Variants in PIK3C3 observed in about 807,000 individuals in gnomAD.
PIK3C3 encodes phosphatidylinositol 3-kinase catalytic subunit type 3.
Under a neutral mutation model 126.1 loss-of-function variants are expected in PIK3C3, and 95 were observed. That is an observed-to-expected ratio of 0.75 (90% CI 0.64 to 0.89). The LOEUF is 0.89. PIK3C3 is among the 40% of genes least tolerant of loss of function. The probability of loss-of-function intolerance (pLI) is 0.00; values close to 1 mark genes in which losing one functional copy is unlikely to be tolerated. For synonymous variants in PIK3C3, 374 were observed against 360.0 expected, an observed-to-expected ratio of 1.04 and a Z score of -0.44; for missense variants, 829 against 1,063.2, an observed-to-expected ratio of 0.78 and a Z score of 3.06.
chr18:42,001,502 C>T (rs1184713893), intron 9 of PIK3C3, among the ~76,000 whole-genome samples: 1 of 152,074 alleles, frequency 6.6e-6, no homozygotes, highest in Non-Finnish European at 1.5e-5. Flanking sequence ...TTTAAAAGAC[C>T]TAGGGTCATT....
intron 9 of PIK3C3, among the ~76,000 whole-genome samples, chr18:42,000,945 C>T (rs373784580): frequency 6.6e-5 from 10 of 152,038 alleles, no homozygotes; most frequent in African/African-American, 1.7e-4. Context: ...AAGGATATAT[C>T]GCAAGTGGGA....
intron 13 of PIK3C3, 33 bp from the exon 14 acceptor site, chr18:42,027,410 C>T (rs757937826): frequency 8.0e-7 from 1 of 1,247,928 alleles, no homozygotes; most frequent in South Asian, 1.3e-5. Flanking sequence ...AGTTTCATTT[C>T]ACATCACATG....
At chr18:42,012,097 A>G (rs1454534430) in intron 10 of PIK3C3, among the ~76,000 whole-genome samples, 1 of 152,146 alleles carries the variant, frequency 6.6e-6, no homozygotes, top group Non-Finnish European at 1.5e-5. Context: ...ACAGTGTGAC[A>G]CAAAGACATG....
intron 24 of PIK3C3, among the ~76,000 whole-genome samples, chr18:42,076,194 A>ATATG (rs1285117512): frequency 2.0e-5 from 2 of 99,534 alleles, no homozygotes; most frequent in African/African-American, 1.2e-4. Flanking sequence ...ATATATATGC[A>ATATG]CACATATATA....
chr18:42,058,088 ATTTAT>A, intron 22 of PIK3C3, 37 bp downstream of exon 22: 2 of 1,496,010 alleles, frequency 1.3e-6, no homozygotes, highest in African/African-American at 1.4e-5. Flanking sequence ...ATTTGGGTAA[ATTTAT>A]TTTATTTTAT....
chr18:42,018,205 A>G (rs1598900386), intron 12 of PIK3C3, among the ~76,000 whole-genome samples: 1 of 152,064 alleles, frequency 6.6e-6, no homozygotes, highest in East Asian at 1.9e-4. Context: ...TTTTTTTATA[A>G]AGCACTTTTT....
intron 14 of PIK3C3, 57 bp downstream of exon 14, chr18:42,027,605 T>C (rs781332947): frequency 6.3e-6 from 6 of 956,758 alleles, no homozygotes; most frequent in East Asian, 5.1e-5. Context: ...ATTCAGCCTG[T>C]TGCCTGTTTA....
intron 4 of PIK3C3, among the ~76,000 whole-genome samples, chr18:41,973,461 G>A (rs1980767747): frequency 6.6e-6 from 1 of 151,844 alleles, no homozygotes; most frequent in South Asian, 2.1e-4. Context: ...AATTAAGTTA[G>A]TTAATTTACT....
rs1015141998 is a variant in PIK3C3 at position 41,983,356 on chromosome 18, C to CT, written c.532-4444dup. On this transcript the variant is annotated intron_variant, in intron 4 of 24. Transcript: ENST00000262039. ...GGGAAGAGTGACCAAGGGCAGGAATCTTTTTTTTTTTTCTCTCTCCAGCTT... is the reference window on the plus strand; with the variant it reads ...GGGAAGAGTGACCAAGGGCAGGAATCTTTTTTTTTTTTTCTCTCTCCAGCTT... Among the ~76,000 whole-genome samples the CT allele has an allele frequency of 4.9e-3, 712 of 146,088 alleles. 1 individual carries two copies. Among genetic ancestry groups the CT allele is most frequent in the African/African-American group, 0.015 (622 of 40,136 alleles).
At chr18:42,040,649 T>C (rs368908797) in intron 18 of PIK3C3, 28 bp from the exon 19 acceptor site, 2 of 1,519,398 alleles carry the variant, frequency 1.3e-6, no homozygotes, top group South Asian at 1.2e-5. Flanking sequence ...GTAGCTATGC[T>C]TAATGCAGTG....
At position 42,029,387 on chromosome 18, in the gene PIK3C3, G is replaced by T. The variant is rs557752945; in HGVS notation, c.1653G>T (p.Arg551=). Residue 551 remains arginine, a synonymous_variant, in exon 15 of 25, where the codon CGG becomes CGT. Transcript: ENST00000262039. ...CTGCACAACAGACATTTGTAGATCG[G>T]TTGGTGCATCTAATGAAGGCAGTAC... The part of the protein sequence containing the change: ...LLAAQQTFVD[R]LVHLMKAVQR... 12 of 1,613,846 alleles carry T rather than the reference G, an allele frequency of 7.4e-6. No individual in the cohort carries two copies. In the African/African-American group the frequency reaches 1.6e-4, roughly 22 times the overall value.
intron 10 of PIK3C3, among the ~76,000 whole-genome samples, chr18:42,006,625 T>C (rs1982558375): frequency 6.6e-6 from 1 of 152,188 alleles, no homozygotes; most frequent in African/African-American, 2.4e-5. Flanking sequence ...AAAATTTCAA[T>C]GCCAGCATGC....
intron 5 of PIK3C3, among the ~76,000 whole-genome samples, chr18:41,988,562 T>C (rs1325005784): frequency 6.6e-6 from 1 of 152,136 alleles, no homozygotes; most frequent in Non-Finnish European, 1.5e-5. Context: ...AGGACATCAA[T>C]TTGTGATTTG....
chr18:41,963,700 T>C (rs1307225643), intron 3 of PIK3C3, among the ~76,000 whole-genome samples: 2 of 152,184 alleles, frequency 1.3e-5, no homozygotes, highest in African/African-American at 4.8e-5. Flanking sequence ...CATCATTAAG[T>C]ATGAGGAGGA....
At chr18:42,073,006 A>C (rs1479815763) in intron 24 of PIK3C3, among the ~76,000 whole-genome samples, 1 of 152,192 alleles carries the variant, frequency 6.6e-6, no homozygotes, top group African/African-American at 2.4e-5. Context: ...CATTTATGGT[A>C]GTAAAAATCT....
chr18:42,027,324 T>C, intron 13 of PIK3C3, 119 bp from the exon 14 acceptor site: 1 of 467,284 alleles, frequency 2.1e-6, no homozygotes, highest in East Asian at 3.7e-5. Flanking sequence ...GTTTTATTAC[T>C]CCAATTTTAT....
intron 9 of PIK3C3, among the ~76,000 whole-genome samples, chr18:42,003,001 T>C (rs1002268973): frequency 9.2e-5 from 14 of 152,140 alleles, no homozygotes; most frequent in African/African-American, 3.4e-4. Flanking sequence ...GGAAGAAGTA[T>C]GGGGCTGAGA....
intron 24 of PIK3C3, among the ~76,000 whole-genome samples, chr18:42,077,065 A>G (rs1986059762): frequency 6.6e-6 from 1 of 152,228 alleles, no homozygotes; most frequent in Admixed American, 6.5e-5. Flanking sequence ...GCAATAAATG[A>G]CTTTTTTGTT....
rs1378484815 is a variant in PIK3C3, at chr18:41,987,968, AATT to A, written c.618+78_618+80del. ...TTTAAATTAACAATTTTTTGATAAG[AATT>A]ATTATTAGGTATCTTACAAATATAG... On this transcript the variant is annotated intron_variant, in intron 5 of 24. Coordinates refer to ENST00000262039, the MANE Select transcript of PIK3C3 (RefSeq NM_002647.4). 124 of 899,758 alleles carry A rather than the reference AATT, an allele frequency of 1.4e-4. 2 individuals are homozygous for A. The South Asian group carries it at 2.1e-3, about 15-fold the overall frequency. 55.7% of individuals were successfully genotyped at this position (899,758 alleles called of 1,614,324 possible). A position where few individuals can be genotyped will look rare whatever the true frequency, so the allele number is the denominator to read the frequency against.
Sources: gnomAD v4.1 joint callset for allele counts (sites outside exome capture counted in the v4.1 genomes callset) on GRCh38, gnomAD v4.1.1 for gene constraint, MANE v1.5 for transcripts, NCBI Gene and HGNC (gene_info 2026-07-23, HGNC 2026-07-21) for gene names.